The following FAM120B variants were observed in gnomAD, a reference collection of about 807,000 sequenced individuals.
The protein encoded by FAM120B is family with sequence similarity 120 member B.
In FAM120B, 83 loss-of-function variants were observed where a neutral mutation model predicts 96.3. The observed-to-expected ratio is 0.86, with a 90% CI of 0.72 to 1.03. The LOEUF (loss-of-function observed/expected upper bound fraction) is 1.03, where lower values mean the gene tolerates loss of function less well. Among genes scored for constraint, FAM120B ranks in the 50% least tolerant of loss-of-function variants. The pLI is 0.00. For synonymous variants in FAM120B, 407 were observed against 402.7 expected (o/e 1.01, Z -0.13); for missense variants, 1,027 against 1,121.2 (o/e 0.92, Z 1.20).
In FAM120B at chr6:170,391,020, G is replaced by T. The variant is rs775268728; in HGVS notation, c.2498G>T (p.Arg833Leu). 1.9e-5 allele frequency: 31 copies of T among 1,613,836 alleles called. No homozygotes were observed. Among genetic ancestry groups the T allele is most frequent in the Non-Finnish European group, 2.5e-5 (30 of 1,179,940 alleles). ...VEVLLEQNRS[R>L]LTKFHNLKAV... Reference sequence around the variant, plus strand: ...CATCTGGTCTGTTTGCAGAGATCTCGGCTCACCAAATTCCACAACCTGAAG... The same window carrying T: ...CATCTGGTCTGTTTGCAGAGATCTCTGCTCACCAAATTCCACAACCTGAAG... The change falls in exon 8 of 11, where the codon CGG (arginine) becomes CTG (leucine). Residue 833 changes from arginine to leucine, a missense_variant. Coordinates refer to ENST00000476287, the MANE Select transcript of FAM120B (RefSeq NM_032448.3).
At chr6:170,305,419 C>T (rs570002605), upstream of FAM120B, among the ~76,000 whole-genome samples, 32 of 152,194 alleles carry the variant, frequency 2.1e-4, no homozygotes, top group Non-Finnish European at 4.7e-4. Flanking sequence ...AATCGAGATT[C>T]CTTCCCAAAT....
chr6:170,340,368 G>T (rs1425806738), intron 4 of FAM120B, among the ~76,000 whole-genome samples: 1 of 152,098 alleles, frequency 6.6e-6, no homozygotes, highest in Non-Finnish European at 1.5e-5. Context: ...CTCTGAACTG[G>T]TTATTCCAGT....
intron 6 of FAM120B, among the ~76,000 whole-genome samples, chr6:170,369,402 C>T (rs926756497): frequency 6.6e-6 from 1 of 152,192 alleles, no homozygotes; most frequent in African/African-American, 2.4e-5. Context: ...TGACTTTGCC[C>T]ATAGTCCTCA....
chr6:170,309,104 A>G (rs1470251700), intron 1 of FAM120B, among the ~76,000 whole-genome samples: 2 of 152,238 alleles, frequency 1.3e-5, no homozygotes, highest in Non-Finnish European at 2.9e-5. Flanking sequence ...AACTAGGGTT[A>G]TACACTGTGT....
At chr6:170,355,386 A>G (rs980699621) in intron 5 of FAM120B, among the ~76,000 whole-genome samples, 2 of 152,252 alleles carry the variant, frequency 1.3e-5, no homozygotes, top group African/African-American at 4.8e-5. Context: ...CTATGCAGCC[A>G]TAAAAAGGAA....
rs1231620524 is a variant in FAM120B at position 170,363,344 on chromosome 6, ATCT to A, written c.2283+5031_2283+5033del. ...AAAATTTTACTATAAAATTCAAGCC[ATCT>A]TCTTAAGATTCCCCTGCATGTGGCT... is the stretch of plus-strand genomic sequence containing the variant. On this transcript the variant is annotated intron_variant, in intron 6 of 10. Coordinates refer to ENST00000476287, the MANE Select transcript of FAM120B (RefSeq NM_032448.3). The surrounding 1 kb of genome is among the most constrained non-coding windows in gnomAD (Gnocchi z 4.5). Among the ~76,000 whole-genome samples, 1 of 152,258 alleles carries A rather than the reference ATCT, an allele frequency of 6.6e-6. No individual in the cohort carries two copies. Among genetic ancestry groups the A allele is most frequent in the Non-Finnish European group, 1.5e-5 (1 of 68,048 alleles).
intron 3 of FAM120B, among the ~76,000 whole-genome samples, chr6:170,327,527 CT>C (rs1292378563): frequency 1.3e-5 from 2 of 152,226 alleles, no homozygotes; most frequent in Non-Finnish European, 2.9e-5. Flanking sequence ...TTTATACACA[CT>C]GCACACGGAG....
intron 5 of FAM120B, among the ~76,000 whole-genome samples, chr6:170,355,765 T>G (rs1298954468): frequency 6.6e-6 from 1 of 152,190 alleles, no homozygotes; most frequent in Non-Finnish European, 1.5e-5. Context: ...TCTTTTGATA[T>G]TATATGTTAA....
chr6:170,290,812 A>C, upstream of FAM120B: 1 of 602,442 alleles, frequency 1.7e-6, no homozygotes, highest in African/African-American at 1.9e-5. The surrounding 1 kb of genome is among the most constrained non-coding windows in gnomAD (Gnocchi z 4.7). Context: ...TCCAGTACAC[A>C]CGCGCAGGAC....
At chr6:170,339,517 G>A (rs193185958) in intron 4 of FAM120B, among the ~76,000 whole-genome samples, 7 of 152,092 alleles carry the variant, frequency 4.6e-5, no homozygotes, top group Admixed American at 4.6e-4. Flanking sequence ...GGCCAGGCGG[G>A]GTGGCTCATG....
chr6:170,396,880 G>A (rs1274309199), intron 9 of FAM120B, among the ~76,000 whole-genome samples: 1 of 152,342 alleles, frequency 6.6e-6, no homozygotes, highest in East Asian at 1.9e-4. Context: ...GTAAACTTAC[G>A]TAGACTCAGA....
upstream of FAM120B, among the ~76,000 whole-genome samples, chr6:170,304,705 T>C (rs1784217862): frequency 6.6e-6 from 1 of 152,050 alleles, no homozygotes; most frequent in African/African-American, 2.4e-5. Flanking sequence ...CTCCTGCGCA[T>C]GAGAGTTTGG....
chr6:170,321,586 C>G (rs1277802886), intron 2 of FAM120B, among the ~76,000 whole-genome samples: 2 of 152,148 alleles, frequency 1.3e-5, no homozygotes, highest in Admixed American at 1.3e-4. Flanking sequence ...GCCATGTTGC[C>G]CAGGCTGGCC....
chr6:170,309,209 G>A (rs536820146), intron 1 of FAM120B, among the ~76,000 whole-genome samples: 28 of 152,316 alleles, frequency 1.8e-4, no homozygotes, highest in African/African-American at 6.5e-4. Flanking sequence ...ATAAATAATT[G>A]TAATTTGTGT....
chr6:170,361,195 CGT>C (rs1491313840), intron 6 of FAM120B, among the ~76,000 whole-genome samples: 2,193 of 26,838 alleles, frequency 0.082, 172 homozygotes, highest in African/African-American at 0.22. Flanking sequence ...TATATATATA[CGT>C]GTATATATAT....
chr6:170,349,118 C>T (rs1787410538), intron 5 of FAM120B, among the ~76,000 whole-genome samples: 1 of 152,226 alleles, frequency 6.6e-6, no homozygotes, highest in African/African-American at 2.4e-5. Flanking sequence ...GCTCCCATCT[C>T]CCAGCCCCTC....
chr6:170,291,108 GC>G, upstream of FAM120B: 1 of 451,774 alleles, frequency 2.2e-6, no homozygotes, highest in Non-Finnish European at 4.0e-6. Context: ...CCTCCTCCCC[GC>G]CCCCACCCTT....
At chr6:170,362,074 G>A (rs1335857378) in intron 6 of FAM120B, among the ~76,000 whole-genome samples, 1 of 152,232 alleles carries the variant, frequency 6.6e-6, no homozygotes, top group Non-Finnish European at 1.5e-5. Flanking sequence ...GATTATAGGT[G>A]TGAGCCACCA....
chr6:170,354,773 A>C (rs1787792288), intron 5 of FAM120B, among the ~76,000 whole-genome samples: 1 of 151,996 alleles, frequency 6.6e-6, no homozygotes, highest in Admixed American at 6.6e-5. Context: ...AAAAAGAAAA[A>C]AAAAAATTAG....
Sources: allele counts gnomAD v4.1 joint callset (sites outside exome capture counted in the v4.1 genomes callset), GRCh38; gene constraint gnomAD v4.1.1; non-coding constraint Gnocchi (gnomAD v3.1); transcripts MANE v1.5; gene names NCBI Gene and HGNC (gene_info 2026-07-23, HGNC 2026-07-21).